DSCAM: variants seen among roughly 807,000 people sequenced by gnomAD.
The protein encoded by DSCAM is DS cell adhesion molecule, also known as cell adhesion molecule DSCAM.
Under a neutral mutation model 217.7 loss-of-function variants are expected in DSCAM, and 47 were observed. The observed-to-expected ratio is 0.22, with a 90% CI of 0.17 to 0.28. DSCAM has a LOEUF of 0.28. DSCAM is among the 10% of genes least tolerant of loss of function. DSCAM has a pLI of 1.00. For synonymous variants in DSCAM, 1,056 were observed against 1,015.3 expected (o/e 1.04, Z -0.76); for missense variants, 2,080 against 2,618.3 (o/e 0.79, Z 4.49).
intron 1 of DSCAM, among the ~76,000 whole-genome samples, chr21:40,801,446 AGAAG>A (rs1219905300): frequency 6.6e-6 from 1 of 152,236 alleles, no homozygotes; most frequent in African/African-American, 2.4e-5. Context: ...TAGTATGAAT[AGAAG>A]GGAGCCAGGT....
chr21:40,763,169 G>A (rs1012351125), intron 1 of DSCAM, among the ~76,000 whole-genome samples: 5 of 152,130 alleles, frequency 3.3e-5, no homozygotes, highest in Non-Finnish European at 7.4e-5. Flanking sequence ...GTGTGCAGAC[G>A]ACATGATTGT....
intron 3 of DSCAM, among the ~76,000 whole-genome samples, chr21:40,478,642 G>A (rs2145982023): frequency 6.6e-6 from 1 of 152,222 alleles, no homozygotes; most frequent in East Asian, 1.9e-4. Flanking sequence ...TTTGAGCAAA[G>A]AACTATAAAT....
intron 6 of DSCAM, among the ~76,000 whole-genome samples, chr21:40,342,610 A>ATGTGTGTG (rs58080164): frequency 1.7e-5 from 2 of 116,892 alleles, no homozygotes. Context: ...GTATGTGTAT[A>ATGTGTGTG]TGTGTGTGTG....
intron 3 of DSCAM, among the ~76,000 whole-genome samples, chr21:40,562,862 G>C (rs77952026): frequency 1.5e-3 from 230 of 152,300 alleles, no homozygotes; most frequent in African/African-American, 5.2e-3. Context: ...AAAAGGACCA[G>C]AGACAGAAAG....
intron 3 of DSCAM, among the ~76,000 whole-genome samples, chr21:40,588,115 G>C (rs2076959477): frequency 6.6e-6 from 1 of 152,132 alleles, no homozygotes; most frequent in Non-Finnish European, 1.5e-5. Flanking sequence ...AGGCGTTCCT[G>C]ATCCACATGA....
At chr21:40,044,996 A>G (rs1284658848) in intron 30 of DSCAM, among the ~76,000 whole-genome samples, 1 of 152,218 alleles carries the variant, frequency 6.6e-6, no homozygotes, top group Non-Finnish European at 1.5e-5. Context: ...ACAAGGTCAT[A>G]TTGGAATAGG....
chr21:40,369,385 CGTGTGTGTGTGTGTGTGTGT>C (rs35564463), intron 3 of DSCAM, 140 bp from the exon 4 acceptor site: 4 of 385,402 alleles, frequency 1.0e-5, no homozygotes, highest in Non-Finnish European at 1.8e-5. Flanking sequence ...CGTGCGTCTG[CGTGTGTGTGTGTGTGTGTGT>C]GTGTGTGTGT....
intron 20 of DSCAM, among the ~76,000 whole-genome samples, chr21:40,122,470 G>A (rs1028263982): frequency 2.6e-5 from 4 of 152,168 alleles, no homozygotes; most frequent in African/African-American, 9.7e-5. Flanking sequence ...AAGTTCTAGT[G>A]GAAAATGAGT....
intron 3 of DSCAM, among the ~76,000 whole-genome samples, chr21:40,540,531 TTAATTCTTCCACA>T (rs1353400916): frequency 2.0e-5 from 3 of 152,202 alleles, no homozygotes; most frequent in Non-Finnish European, 4.4e-5. Flanking sequence ...AAATATGGCC[TTAATTCTTCCACA>T]TTGTAGGAAG....
intron 3 of DSCAM, among the ~76,000 whole-genome samples, chr21:40,375,537 T>C (rs2074941811): frequency 6.6e-6 from 1 of 152,220 alleles, no homozygotes; most frequent in South Asian, 2.1e-4. Context: ...TTAAGTCAAA[T>C]TTCCAGCAAA....
chr21:40,838,375 C>T (rs1418797298), intron 1 of DSCAM, among the ~76,000 whole-genome samples: 1 of 152,222 alleles, frequency 6.6e-6, no homozygotes, highest in African/African-American at 2.4e-5. Context: ...CCCCCCTCAG[C>T]CCCTGTGACC....
intron 3 of DSCAM, among the ~76,000 whole-genome samples, chr21:40,661,617 T>C (rs977326302): frequency 6.6e-5 from 10 of 152,238 alleles, no homozygotes; most frequent in African/African-American, 2.2e-4. Flanking sequence ...TTTATTAGCA[T>C]TGTGTTGATT....
chr21:40,588,195 T>G (rs1347594343), intron 3 of DSCAM, among the ~76,000 whole-genome samples: 1 of 152,114 alleles, frequency 6.6e-6, no homozygotes, highest in African/African-American at 2.4e-5. Context: ...TCTACCTGAC[T>G]CCAAAGAACA....
At chr21:40,705,645 C>T (rs1013708363) in intron 2 of DSCAM, among the ~76,000 whole-genome samples, 5 of 152,156 alleles carry the variant, frequency 3.3e-5, no homozygotes, top group Admixed American at 6.5e-5. Flanking sequence ...TCTCGTGAGA[C>T]TCACTCACTC....
At chr21:40,468,416 A>G (rs1001035274) in intron 3 of DSCAM, among the ~76,000 whole-genome samples, 14 of 152,224 alleles carry the variant, frequency 9.2e-5, no homozygotes, top group African/African-American at 3.1e-4. Context: ...AGAAAGGAAG[A>G]GAAATACACT....
At chr21:40,461,065 G>T (rs2075801944) in intron 3 of DSCAM, among the ~76,000 whole-genome samples, 1 of 152,210 alleles carries the variant, frequency 6.6e-6, no homozygotes, top group Admixed American at 6.5e-5. Flanking sequence ...CATCAATAAA[G>T]GCTAGCTAAG....
intron 3 of DSCAM, among the ~76,000 whole-genome samples, chr21:40,606,304 G>T (rs2089237489): frequency 6.6e-6 from 1 of 152,150 alleles, no homozygotes; most frequent in African/African-American, 2.4e-5. Context: ...TGATGAGCTG[G>T]AGTGAAGAGC....
chr21:40,819,777 T>C (rs1187752701), intron 1 of DSCAM, among the ~76,000 whole-genome samples: 2 of 152,210 alleles, frequency 1.3e-5, no homozygotes, highest in Non-Finnish European at 2.9e-5. Context: ...TCCAGCTCCA[T>C]TCCACTCATA....
At chr21:40,400,396 C>A (rs2075222915) in intron 3 of DSCAM, among the ~76,000 whole-genome samples, 1 of 152,124 alleles carries the variant, frequency 6.6e-6, no homozygotes, top group Non-Finnish European at 1.5e-5. Context: ...ATGCTCAATT[C>A]TCATATCTGC....
Sources: gnomAD v4.1 joint callset for allele counts (sites outside exome capture counted in the v4.1 genomes callset) on GRCh38, gnomAD v4.1.1 for gene constraint, MANE v1.5 for transcripts, NCBI Gene and HGNC (gene_info 2026-07-23, HGNC 2026-07-21) for gene names.